The following MBP variants were observed in gnomAD, a reference collection of about 807,000 sequenced individuals.
MBP encodes the protein myelin basic protein, also known as Golli-MBP.
A neutral mutation model predicts 35.8 loss-of-function variants in MBP; 16 were observed. The observed-to-expected ratio is 0.45, with a 90% CI of 0.30 to 0.68. The LOEUF (loss-of-function observed/expected upper bound fraction) is 0.68, where lower values mean the gene tolerates loss of function less well. MBP is among the 30% of genes least tolerant of loss of function. MBP has a pLI of 0.08. For synonymous variants in MBP, 143 were observed against 159.6 expected (o/e 0.90, Z 0.78); for missense variants, 380 against 404.7 (o/e 0.94, Z 0.52).
rs1975989283 is a variant in MBP, at chr18:77,101,093, G to GT, written c.51+4117dup. ...AAGGAATGAATTCCTCCAGTAGCCA[G>GT]TGAAGCCAAGTGTCTTACGTCCTAA... is the stretch of plus-strand genomic sequence containing the variant. On this transcript the variant is annotated intron_variant, in intron 2 of 8. Coordinates refer to ENST00000355994, the MANE Select transcript of MBP (RefSeq NM_001025101.2). The surrounding 1 kb of genome is among the most constrained non-coding windows in gnomAD (Gnocchi z 4.3). Among the ~76,000 whole-genome samples the GT allele has an allele frequency of 6.6e-6, 1 of 152,222 alleles. No homozygotes were observed. The highest frequency in any genetic ancestry group is 6.5e-5 in the Admixed American group (1 of 15,274).
chr18:77,016,137 T>C, intron 4 of MBP: 1 of 979,668 alleles, frequency 1.0e-6, no homozygotes, highest in Non-Finnish European at 1.2e-6. Flanking sequence ...TCCTAGACTC[T>C]GGACCCCATA....
At chr18:77,087,132 C>T (rs1227571486) in intron 2 of MBP, among the ~76,000 whole-genome samples, 1 of 152,188 alleles carries the variant, frequency 6.6e-6, no homozygotes, top group Non-Finnish European at 1.5e-5. Context: ...GAAGCACTGG[C>T]AGAGCCCTTG....
Position 76,997,964 on chromosome 18 carries a change from G to C in MBP, c.577-7904C>G, listed in dbSNP as rs548651917. Among the ~76,000 whole-genome samples, 90 of 152,162 alleles carry C rather than the reference G, an allele frequency of 5.9e-4. No homozygotes were observed. The South Asian group carries it at 0.015, about 25-fold the overall frequency. Reference sequence around the variant, plus strand: ...CCCAAAGTGCTGGGATTACAGGCGTGAGCCACCACGCCCGGCCTGAGCCAC... The same window carrying C: ...CCCAAAGTGCTGGGATTACAGGCGTCAGCCACCACGCCCGGCCTGAGCCAC... On this transcript the variant is annotated intron_variant, in intron 4 of 8. Coordinates refer to ENST00000355994, the MANE Select transcript of MBP (RefSeq NM_001025101.2).
chr18:77,114,538 C>T (rs1267404579), intron 1 of MBP: 1 of 152,224 alleles, frequency 6.6e-6, no homozygotes, highest in East Asian at 1.9e-4. Flanking sequence ...GCATGGTGTT[C>T]AGCTTTAGCA....
At chr18:76,993,036 C>T (rs374606148) in intron 4 of MBP, among the ~76,000 whole-genome samples, 1 of 152,204 alleles carries the variant, frequency 6.6e-6, no homozygotes, top group African/African-American at 2.4e-5. Context: ...CTCAGCACTG[C>T]GAGCTCTGTT....
intron 1 of MBP, chr18:77,113,937 C>T (rs936599487): frequency 2.0e-5 from 3 of 152,226 alleles, no homozygotes; most frequent in Admixed American, 1.3e-4. Flanking sequence ...CAAGCTTCCC[C>T]GTGACACTGG....
At chr18:77,004,887 G>A (rs886152909) in intron 4 of MBP, 2 of 152,224 alleles carry the variant, frequency 1.3e-5, no homozygotes, top group Non-Finnish European at 2.9e-5. Context: ...GGGCATATCT[G>A]GTTGTGTTTT....
In MBP at chr18:77,004,537, T is replaced by C. The variant is rs1362754181; in HGVS notation, c.576+12295A>G. 2.0e-5 allele frequency: 3 copies of C among 152,232 alleles called. No individual in the cohort carries two copies. The East Asian group carries it at 5.8e-4, about 29-fold the overall frequency. 9.4% of individuals were successfully genotyped at this position (152,232 alleles called of 1,614,324 possible). ...GTTAATGAAAGTCACGGGCATTTAC[T>C]TTCTTTACAGAAAGCTGTGCACCAT... On this transcript the variant is annotated intron_variant, in intron 4 of 8. Transcript: ENST00000355994.
At chr18:76,993,746 C>T (rs55953006) in intron 4 of MBP, among the ~76,000 whole-genome samples, 31,676 of 152,092 alleles carry the variant, frequency 0.21, 4,524 homozygotes, top group African/African-American at 0.41. Context: ...CACTGGCGCT[C>T]TGCCTGTGGC....
intron 4 of MBP, among the ~76,000 whole-genome samples, chr18:77,012,147 T>A (rs1485735341): frequency 6.6e-6 from 1 of 152,236 alleles, no homozygotes; most frequent in East Asian, 1.9e-4. Context: ...TTTACTCTTG[T>A]TTCTAATTTC....
chr18:77,091,354 G>A (rs915076833), intron 2 of MBP, among the ~76,000 whole-genome samples: 7 of 152,038 alleles, frequency 4.6e-5, no homozygotes, highest in African/African-American at 1.7e-4. Flanking sequence ...TAGTAGCAAG[G>A]ACTCTGTTTT....
chr18:77,003,659 C>T (rs1182472212), intron 4 of MBP: 2 of 152,140 alleles, frequency 1.3e-5, no homozygotes, highest in Non-Finnish European at 2.9e-5. Flanking sequence ...TGATAATATG[C>T]TTCTTCAGTA....
At chr18:77,094,008 G>A (rs1274382656) in intron 2 of MBP, among the ~76,000 whole-genome samples, 2 of 146,754 alleles carry the variant, frequency 1.4e-5, no homozygotes, top group Non-Finnish European at 3.0e-5. Flanking sequence ...ACGGAGTCTC[G>A]CTCTGTCGCC....
At chr18:77,098,168 CTTTTT>C (rs3214873) in intron 2 of MBP, among the ~76,000 whole-genome samples, 8 of 108,546 alleles carry the variant, frequency 7.4e-5, no homozygotes, top group South Asian at 3.4e-4. Flanking sequence ...CAAGGACTTC[CTTTTT>C]TTTTTTTTTT....
In MBP at chr18:77,044,974, GGAGT is replaced by G. The variant is rs948553177; in HGVS notation, c.139+21320_139+21323del. Among the ~76,000 whole-genome samples, 1 of 151,278 alleles carries G rather than the reference GGAGT, an allele frequency of 6.6e-6. No individual in the cohort carries two copies. The highest frequency in any genetic ancestry group is 2.4e-5 in the African/African-American group (1 of 41,094). ...GTGTGTAAGTGTGGTGTGTGAGTGT[GGAGT>G]GTGTGAGTGTTCAAGATTCCCTACA... On this transcript the variant is annotated intron_variant, in intron 3 of 8. Coordinates refer to ENST00000355994, the MANE Select transcript of MBP (RefSeq NM_001025101.2). The surrounding 1 kb of genome is among the most constrained non-coding windows in gnomAD (Gnocchi z 4.4).
chr18:76,988,238 C>G lies in MBP; in HGVS notation c.750+257G>C, dbSNP rs1440618839. ...ACCAGTCACGTCGCCTGGGAACCCT[C>G]TGGGAGAAGAGGATCTGGCCTTGCA... On this transcript the variant is annotated intron_variant, in intron 7 of 8. Transcript: ENST00000355994. This position sits in a 1 kb window ranked among gnomAD's most constrained non-coding sequence, Gnocchi z 5.2. 1.3e-6 allele frequency: 2 copies of G among 1,549,912 alleles called. No individual in the cohort carries two copies. The highest frequency in any genetic ancestry group is 1.7e-6 in the Non-Finnish European group (2 of 1,147,022).
rs748812588 is a variant in MBP, at chr18:76,979,957, A to G, written c.*470T>C. ...GTCTACTTTAGGAGGTGAGAGAAGG[A>G]CAGGAAAAAAAAACAAAGGAAGCTT... On this transcript the variant is annotated 3_prime_UTR_variant, in exon 9 of 9. Coordinates refer to ENST00000355994, the MANE Select transcript of MBP (RefSeq NM_001025101.2). 3.3e-5 allele frequency: 23 copies of G among 702,520 alleles called. No individual in the cohort carries two copies. The highest frequency in any genetic ancestry group is 2.7e-4 in the East Asian group (10 of 37,284). The allele number at this position is 702,520 out of a possible 1,614,324, so 43.5% of individuals were successfully genotyped here. A position where few individuals can be genotyped will look rare whatever the true frequency, so the allele number is the denominator to read the frequency against.
intron 1 of MBP, among the ~76,000 whole-genome samples, chr18:77,126,734 T>C (rs535611167): frequency 6.6e-6 from 1 of 152,330 alleles, no homozygotes; most frequent in Admixed American, 6.5e-5. Flanking sequence ...CAGTTCTACC[T>C]ACTCCACAAT....
chr18:77,035,114 C>T (rs778393976), intron 3 of MBP, among the ~76,000 whole-genome samples: 30 of 152,206 alleles, frequency 2.0e-4, no homozygotes, highest in Non-Finnish European at 3.8e-4. Context: ...GAACAGGCTC[C>T]GGGGCACAGG....
Sources: gnomAD v4.1 joint callset for allele counts (sites outside exome capture counted in the v4.1 genomes callset) on GRCh38, gnomAD v4.1.1 for gene constraint, Gnocchi (gnomAD v3.1) non-coding constraint, MANE v1.5 for transcripts, NCBI Gene and HGNC (gene_info 2026-07-23, HGNC 2026-07-21) for gene names.